STK10: variants seen among roughly 807,000 people sequenced by gnomAD.
STK10 encodes serine/threonine kinase 10, also known as serine/threonine-protein kinase 10.
STK10 carries 78 observed loss-of-function variants against 113.8 expected under a neutral mutation model. That is an observed-to-expected ratio of 0.69 (90% CI 0.57 to 0.83). STK10 has a LOEUF of 0.83. Among genes scored for constraint, STK10 ranks in the 40% least tolerant of loss-of-function variants. The pLI is 0.00. For missense variants in STK10, 1,109 were observed against 1,280.1 expected (o/e 0.87, Z 2.04); for synonymous variants, 465 against 494.7 (o/e 0.94, Z 0.80).
chr5:172,154,880 C>T (rs1770315295), intron 2 of STK10, among the ~76,000 whole-genome samples: 1 of 152,122 alleles, frequency 6.6e-6, no homozygotes, highest in Non-Finnish European at 1.5e-5. Context: ...GATTAAACCA[C>T]ATAATGCAAG....
At chr5:172,107,432 G>A (rs190563647) in intron 5 of STK10, among the ~76,000 whole-genome samples, 6 of 152,222 alleles carry the variant, frequency 3.9e-5, no homozygotes, top group South Asian at 2.1e-4. Flanking sequence ...TCACCTTCAC[G>A]GTCCCCATCC....
At chr5:172,134,379 A>G (rs1003978393) in intron 2 of STK10, among the ~76,000 whole-genome samples, 1 of 152,198 alleles carries the variant, frequency 6.6e-6, no homozygotes, top group African/African-American at 2.4e-5. Flanking sequence ...GGGGATCTTC[A>G]TTATTAAAGA....
chr5:172,165,985 G>T (rs1352703173), intron 1 of STK10, among the ~76,000 whole-genome samples: 2 of 152,148 alleles, frequency 1.3e-5, no homozygotes, highest in Non-Finnish European at 1.5e-5. Context: ...TGGCGACGGG[G>T]TTTCTCCATG....
At chr5:172,076,841 C>A (rs181404444) in intron 12 of STK10, among the ~76,000 whole-genome samples, 1 of 152,078 alleles carries the variant, frequency 6.6e-6, no homozygotes, top group Non-Finnish European at 1.5e-5. Context: ...AAAGGCCTCA[C>A]GAGCTTAAAA....
chr5:172,184,965 A>T (rs2113848150), intron 1 of STK10, among the ~76,000 whole-genome samples: 1 of 152,196 alleles, frequency 6.6e-6, no homozygotes, highest in South Asian at 2.1e-4. Flanking sequence ...CTGGCCCTGG[A>T]GTCACTTTTT....
At chr5:172,139,974 G>A (rs2113800154) in intron 2 of STK10, among the ~76,000 whole-genome samples, 1 of 148,446 alleles carries the variant, frequency 6.7e-6, no homozygotes, top group East Asian at 2.0e-4. Flanking sequence ...CAGCAAAGGA[G>A]ACAATCAGTA....
At chr5:172,079,671 C>T (rs955223587) in intron 12 of STK10, among the ~76,000 whole-genome samples, 3 of 152,218 alleles carry the variant, frequency 2.0e-5, no homozygotes, top group Non-Finnish European at 2.9e-5. Context: ...GAGCAGTTCT[C>T]CTGCTCAGCC....
chr5:172,049,672 T>C (rs1470226985), intron 18 of STK10, among the ~76,000 whole-genome samples: 2 of 152,234 alleles, frequency 1.3e-5, no homozygotes, highest in East Asian at 1.9e-4. Flanking sequence ...TGCTTTTTCA[T>C]TGTTTTGATA....
chr5:172,082,376 C>T lies in STK10; in HGVS notation c.1939G>A (p.Asp647Asn), dbSNP rs765004627. The change falls in exon 12 of 19, where the codon GAT becomes AAT. Residue 647 changes from aspartate to asparagine, a missense_variant. By Grantham distance (23) the Asp-to-Asn change is conservative. Transcript: ENST00000176763. The surrounding 1 kb of genome is among the most constrained non-coding windows in gnomAD (Gnocchi z 4.3). Reference protein sequence around the residue: ...EEARRIRLEQDRDYTRFQEQL... With the variant: ...EEARRIRLEQNRDYTRFQEQL... ...TCTTGGAACCTGGTGTAGTCCCGAT[C>T]CTGCTCCAGGCGGATCCGCCTGGCC... 8 of 1,604,638 alleles carry T rather than the reference C, an allele frequency of 5.0e-6. No individual in the cohort carries two copies. The South Asian group carries it at 7.8e-5, about 16-fold the overall frequency.
chr5:172,100,780 C>T (rs898331960), intron 7 of STK10, among the ~76,000 whole-genome samples: 3 of 152,074 alleles, frequency 2.0e-5, no homozygotes, highest in African/African-American at 7.2e-5. Context: ...CGACGAGACT[C>T]CATTTCAAAA....
intron 1 of STK10, among the ~76,000 whole-genome samples, chr5:172,177,046 C>G (rs1031467633): frequency 6.6e-6 from 1 of 152,104 alleles, no homozygotes; most frequent in Non-Finnish European, 1.5e-5. Flanking sequence ...TGGTGGTGCA[C>G]GCCTGTGATC....
chr5:172,072,284 TGA>T (rs1045759691), intron 12 of STK10, among the ~76,000 whole-genome samples: 1 of 152,086 alleles, frequency 6.6e-6, no homozygotes, highest in African/African-American at 2.4e-5. Flanking sequence ...CTTTTTTTTT[TGA>T]GATGGAGTCT....
chr5:172,053,706 C>A (rs1767682949), intron 17 of STK10, among the ~76,000 whole-genome samples: 2 of 152,236 alleles, frequency 1.3e-5, no homozygotes, highest in South Asian at 4.1e-4. Flanking sequence ...GATACCACGA[C>A]CCTACTGGGT....
chr5:172,083,454 G>A (rs1398373858), intron 10 of STK10, among the ~76,000 whole-genome samples: 1 of 152,158 alleles, frequency 6.6e-6, no homozygotes, highest in Non-Finnish European at 1.5e-5. Context: ...CAGAAAATTT[G>A]ATGTAGAAAC....
intron 2 of STK10, among the ~76,000 whole-genome samples, chr5:172,146,769 C>G (rs1040556312): frequency 3.3e-5 from 5 of 152,232 alleles, no homozygotes; most frequent in Admixed American, 6.5e-5. Context: ...TGAGGAATAA[C>G]TTTCAAACCT....
At position 172,093,178 on chromosome 5, in the gene STK10, AC is replaced by A. The variant is rs920611617; in HGVS notation, c.1554+233del. ...CTAAGAGTTCTCTCTCCCAAATTTT[AC>A]CAGGGCCTTTTACCAAGCTTTGAAA... On this transcript the variant is annotated intron_variant, in intron 9 of 18. Transcript: ENST00000176763. The surrounding 1 kb of genome is among the most constrained non-coding windows in gnomAD (Gnocchi z 4.1). Among the ~76,000 whole-genome samples, 2 of 152,150 alleles carry A rather than the reference AC, an allele frequency of 1.3e-5. No individual in the cohort carries two copies.
intron 7 of STK10, among the ~76,000 whole-genome samples, chr5:172,105,064 C>A (rs2113761864): frequency 6.6e-6 from 1 of 152,170 alleles, no homozygotes; most frequent in South Asian, 2.1e-4. Context: ...TATGCTGAGG[C>A]CAGGTGTTCT....
At chr5:172,081,241 C>T (rs567419057) in intron 12 of STK10, among the ~76,000 whole-genome samples, 2 of 151,508 alleles carry the variant, frequency 1.3e-5, no homozygotes, top group East Asian at 3.9e-4. Context: ...GTCCCAGCTA[C>T]TCGGGAGGCT....
chr5:172,139,097 G>A (rs570610703), intron 2 of STK10, among the ~76,000 whole-genome samples: 2 of 152,312 alleles, frequency 1.3e-5, no homozygotes, highest in Admixed American at 6.5e-5. Flanking sequence ...ACTTAATATT[G>A]TTAAGATGTC....
Sources: allele counts gnomAD v4.1 joint callset (sites outside exome capture counted in the v4.1 genomes callset), GRCh38; gene constraint gnomAD v4.1.1; non-coding constraint Gnocchi (gnomAD v3.1); transcripts MANE v1.5; gene names NCBI Gene and HGNC (gene_info 2026-07-23, HGNC 2026-07-21).